PCGF3: variants seen among roughly 807,000 people sequenced by gnomAD.
PCGF3 encodes polycomb group ring finger 3.
A neutral mutation model predicts 33.1 loss-of-function variants in PCGF3; 7 were observed. The ratio of observed to expected loss-of-function variants is 0.21; its 90% CI spans 0.12 to 0.40. The LOEUF (loss-of-function observed/expected upper bound fraction) is 0.40. Among genes scored for constraint, PCGF3 ranks in the 10% least tolerant of loss-of-function variants. The pLI, the probability that PCGF3 is intolerant of heterozygous loss-of-function variation, is 1.00. For synonymous variants in PCGF3, 153 were observed against 121.3 expected (o/e 1.26, Z -1.72); for missense variants, 211 against 313.3 (o/e 0.67, Z 2.46).
At position 752,386 on chromosome 4, in the gene PCGF3, C is replaced by T. The variant is rs140529949; in HGVS notation, c.462+7698C>T. 1.4e-3 allele frequency among the ~76,000 whole-genome samples: 214 copies of T among 152,338 alleles called. 1 individual carries two copies. The highest frequency in any genetic ancestry group is 5.0e-3 in the African/African-American group (206 of 41,566). On this transcript the variant is annotated intron_variant, in intron 8 of 10. Transcript: ENST00000362003. ...CTCTCATCTTTTTTTAAGTATAAGC[C>T]ATCGGTCTGTTTAATTCCAGAACTC...
intron 8 of PCGF3, 72 bp downstream of exon 8, chr4:744,760 G>A: frequency 2.9e-6 from 1 of 346,892 alleles, no homozygotes; most frequent in Non-Finnish European, 5.2e-6. Flanking sequence ...GCGGGGCCCG[G>A]GGGTCGCTGC....
chr4:735,679 C>T (rs1028925315), intron 5 of PCGF3, among the ~76,000 whole-genome samples: 1 of 152,258 alleles, frequency 6.6e-6, no homozygotes, highest in African/African-American at 2.4e-5. Context: ...CCCCTTTCAC[C>T]TTTCTGCCAT....
At chr4:707,450 C>G (rs555150933) in intron 1 of PCGF3, among the ~76,000 whole-genome samples, 1 of 151,576 alleles carries the variant, frequency 6.6e-6, no homozygotes, top group Admixed American at 6.6e-5. Flanking sequence ...CCGTCTCCCC[C>G]GGGACCCTGA....
At chr4:753,568 G>A (rs766485537) in intron 8 of PCGF3, among the ~76,000 whole-genome samples, 11 of 151,936 alleles carry the variant, frequency 7.2e-5, no homozygotes, top group Middle Eastern at 3.2e-3. Context: ...GCGTAAACCC[G>A]GGAGGCAGAG....
At chr4:766,292 G>A (rs975487231) in exon 11 of PCGF3, 11 of 523,962 alleles carry the variant, frequency 2.1e-5, no homozygotes, top group African/African-American at 3.9e-5. Flanking sequence ...TCCCAGAGCC[G>A]ATCGTCCTCT....
Position 730,894 on chromosome 4 carries a change from C to A in PCGF3, c.-150-76C>A, listed in dbSNP as rs1743527293. 7.6e-6 allele frequency: 3 copies of A among 397,318 alleles called. No individual in the cohort carries two copies. In the Admixed American group the frequency reaches 1.3e-4, roughly 18 times the overall value. 24.6% of individuals were successfully genotyped at this position (397,318 alleles called of 1,614,324 possible). ...CTCGGTAGGGCTTGGTTGCAAGTTC[C>A]AGTAGGAATGGCGGAGTTGTGGCAG... On this transcript the variant is annotated intron_variant, in intron 2 of 10. Coordinates refer to ENST00000362003, the Ensembl canonical transcript of PCGF3.
At chr4:762,117 G>A in intron 9 of PCGF3, 2 of 983,872 alleles carry the variant, frequency 2.0e-6, no homozygotes, top group African/African-American at 1.7e-5. Context: ...CTCAGTGGTG[G>A]CCCCAGAAGA....
chr4:757,777 T>C (rs1577440476), intron 8 of PCGF3: 1 of 152,226 alleles, frequency 6.6e-6, no homozygotes, highest in East Asian at 1.9e-4. Context: ...TTAGTAACTT[T>C]CTTTAATCTC....
exon 11 of PCGF3, chr4:770,030 T>C (rs898541892): frequency 6.6e-6 from 1 of 152,660 alleles, no homozygotes; most frequent in Admixed American, 6.5e-5. Flanking sequence ...GTGAAGCTTG[T>C]ATTCAGTGTT....
rs373068905 is a variant in PCGF3 at position 710,745 on chromosome 4, C to A, written c.-190+4775C>A. Among the ~76,000 whole-genome samples the A allele has an allele frequency of 1.3e-4, 20 of 152,104 alleles. No individual in the cohort carries two copies. In the East Asian group the frequency reaches 1.5e-3, roughly 12 times the overall value. ...GGCATACCAGTAGCAAGCCAAAAGA[C>A]CCCCCCACAAATTAAATTACAAGGT... On this transcript the variant is annotated intron_variant, in intron 1 of 10. Coordinates refer to ENST00000362003, the Ensembl canonical transcript of PCGF3.
At chr4:748,556 A>G (rs1744372288) in intron 8 of PCGF3, among the ~76,000 whole-genome samples, 1 of 152,250 alleles carries the variant, frequency 6.6e-6, no homozygotes, top group African/African-American at 2.4e-5. Context: ...CATTACAGAA[A>G]TAGACACGTG....
At chr4:718,829 A>G (rs746126006) in intron 1 of PCGF3, among the ~76,000 whole-genome samples, 7 of 152,250 alleles carry the variant, frequency 4.6e-5, no homozygotes, top group Non-Finnish European at 8.8e-5. Context: ...GCCTGGGGTC[A>G]GTTCCTGCCT....
chr4:769,586 A>G (rs554933082), exon 11 of PCGF3: 38 of 152,744 alleles, frequency 2.5e-4, no homozygotes, highest in African/African-American at 8.9e-4. Context: ...TGTACGGGAC[A>G]GGGTGCGGGC....
intron 6 of PCGF3, among the ~76,000 whole-genome samples, chr4:741,047 T>C (rs1744068527): frequency 6.6e-6 from 1 of 152,234 alleles, no homozygotes; most frequent in Non-Finnish European, 1.5e-5. Flanking sequence ...TCATTGTTGA[T>C]GGCAAAGCAC....
At chr4:728,651 A>C (rs545878474) in intron 1 of PCGF3, among the ~76,000 whole-genome samples, 1 of 152,248 alleles carries the variant, frequency 6.6e-6, no homozygotes, top group South Asian at 2.1e-4. Context: ...CCTGTTTGTT[A>C]GTTATTGTCT....
chr4:728,860 G>A (rs551100172), intron 1 of PCGF3, among the ~76,000 whole-genome samples: 4 of 152,292 alleles, frequency 2.6e-5, no homozygotes, highest in African/African-American at 9.6e-5. Flanking sequence ...AGCACTCTGG[G>A]AGGCCGAGGT....
intron 8 of PCGF3, among the ~76,000 whole-genome samples, chr4:751,217 G>A (rs922518702): frequency 6.6e-6 from 1 of 152,120 alleles, no homozygotes; most frequent in African/African-American, 2.4e-5. Flanking sequence ...TTCGTGATGA[G>A]TTCCTGATCT....
exon 11 of PCGF3, chr4:766,712 G>A (rs1044945393): frequency 1.3e-5 from 2 of 152,116 alleles, no homozygotes; most frequent in Non-Finnish European, 2.9e-5. Context: ...GTGTGAGGTC[G>A]GCACTTGGAC....
intron 1 of PCGF3, among the ~76,000 whole-genome samples, chr4:710,541 C>T (rs986841294): frequency 3.9e-5 from 6 of 152,168 alleles, no homozygotes; most frequent in Non-Finnish European, 7.3e-5. Flanking sequence ...AGAGACATCC[C>T]GTAAGTAAAT....
Sources: gnomAD v4.1 joint callset for allele counts (sites outside exome capture counted in the v4.1 genomes callset) on GRCh38, gnomAD v4.1.1 for gene constraint, MANE v1.5 for transcripts, NCBI Gene and HGNC (gene_info 2026-07-23, HGNC 2026-07-21) for gene names.